PIK3R5: variants seen among roughly 807,000 people sequenced by gnomAD.
PIK3R5 encodes the protein phosphoinositide 3-kinase regulatory subunit 5.
In PIK3R5, 32 loss-of-function variants were observed where a neutral mutation model predicts 94.9. The observed-to-expected ratio is 0.34, with a 90% CI of 0.25 to 0.45. The LOEUF (loss-of-function observed/expected upper bound fraction) is 0.45. PIK3R5 is among the 20% of genes least tolerant of loss of function. The pLI is 1.00. For missense variants in PIK3R5, 853 were observed against 1,144.6 expected (o/e 0.75, Z 3.68); for synonymous variants, 443 against 479.4 (o/e 0.92, Z 0.99).
chr17:8,959,143 GCAGT>G (rs1384277249), intron 1 of PIK3R5, among the ~76,000 whole-genome samples: 1 of 152,178 alleles, frequency 6.6e-6, no homozygotes, highest in Admixed American at 6.5e-5. Flanking sequence ...GGCCCAGTGT[GCAGT>G]CATGAGATGG....
At chr17:8,891,479 A>G (rs1249604286) in intron 6 of PIK3R5, among the ~76,000 whole-genome samples, 2 of 152,168 alleles carry the variant, frequency 1.3e-5, no homozygotes, top group Non-Finnish European at 2.9e-5. Flanking sequence ...GCCATGATAC[A>G]GGCTTTCACT....
intron 1 of PIK3R5, among the ~76,000 whole-genome samples, chr17:8,938,896 A>G (rs567449793): frequency 1.5e-4 from 23 of 152,364 alleles, no homozygotes; most frequent in Middle Eastern, 3.4e-3. Context: ...GATGAGAGAC[A>G]GTATCCAGGT....
intron 1 of PIK3R5, among the ~76,000 whole-genome samples, chr17:8,963,112 G>C (rs1444571292): frequency 6.6e-6 from 1 of 151,780 alleles, no homozygotes; most frequent in African/African-American, 2.4e-5. Context: ...CAAAGTGCTG[G>C]GATTATAGGC....
rs1053508443 is a variant in PIK3R5, at chr17:8,911,060, G to A, written c.103+332C>T. ...CAAACAAACAGGAGAATTCTGGGGAGAGCTGCCTGTGAATTCCCAGCTGCT... is the reference window on the plus strand; with the variant it reads ...CAAACAAACAGGAGAATTCTGGGGAAAGCTGCCTGTGAATTCCCAGCTGCT... On this transcript the variant is annotated intron_variant, in intron 2 of 18. Transcript: ENST00000447110. This position sits in a 1 kb window ranked among gnomAD's most constrained non-coding sequence, Gnocchi z 5.3. 2.6e-5 allele frequency among the ~76,000 whole-genome samples: 4 copies of A among 152,190 alleles called. No individual in the cohort carries two copies. The South Asian group carries it at 8.3e-4, about 31-fold the overall frequency.
rs749408363 is a variant in PIK3R5 at position 8,886,488 on chromosome 17, A to G, written c.2023T>C (p.Tyr675His). The G allele has an allele frequency of 3.1e-6, 5 of 1,605,996 alleles. No individual in the cohort carries two copies. The highest frequency in any genetic ancestry group is 4.3e-6 in the Non-Finnish European group (5 of 1,175,804). The change falls in exon 13 of 19, where the codon TAT (tyrosine) becomes CAT (histidine). Residue 675 changes from tyrosine (Y) to histidine (H), a missense_variant. Tyr to His is a moderately conservative substitution (Grantham distance 83). Around this residue, in one of 6 missense-constraint regions of PIK3R5, gnomAD observed 173 missense variants for 274.1 expected, o/e 0.63. Transcript: ENST00000447110. The stretch of plus-strand genomic sequence containing the variant: ...CAGGGAGGCCTTACCTCGGTCTGAT[A>G]GACTTGCAGCAGCACCGGTCTGGCG... ...FAARPVLLQV[Y>H]QTELTFITGE...
At chr17:8,894,972 T>C (rs1234961856) in intron 5 of PIK3R5, among the ~76,000 whole-genome samples, 1 of 152,220 alleles carries the variant, frequency 6.6e-6, no homozygotes, top group Non-Finnish European at 1.5e-5. Context: ...CATAATGCTC[T>C]TCTAACTTGG....
intron 1 of PIK3R5, among the ~76,000 whole-genome samples, chr17:8,923,918 TTTTCA>T (rs1356013561): frequency 2.2e-5 from 2 of 91,058 alleles, no homozygotes; most frequent in Non-Finnish European, 4.1e-5. Flanking sequence ...TTCCCTTCCC[TTTTCA>T]AGACAGGGTC....
chr17:8,943,457 T>G (rs1265014996), intron 1 of PIK3R5, among the ~76,000 whole-genome samples: 1 of 152,070 alleles, frequency 6.6e-6, no homozygotes, highest in Non-Finnish European at 1.5e-5. Flanking sequence ...ATCTAATACT[T>G]GAGCACACAT....
chr17:8,933,770 G>C (rs961263619), intron 1 of PIK3R5, among the ~76,000 whole-genome samples: 9 of 152,046 alleles, frequency 5.9e-5, no homozygotes, highest in African/African-American at 1.9e-4. Flanking sequence ...GCTGTACTTG[G>C]AAAGTTGTTG....
intron 15 of PIK3R5, among the ~76,000 whole-genome samples, chr17:8,883,396 C>G (rs1256919029): frequency 2.6e-5 from 4 of 152,192 alleles, no homozygotes; most frequent in Non-Finnish European, 5.9e-5. Flanking sequence ...CCACAAAACT[C>G]CTTTCATTGC....
intron 5 of PIK3R5, among the ~76,000 whole-genome samples, chr17:8,900,978 C>T (rs1476823516): frequency 6.6e-6 from 1 of 152,166 alleles, no homozygotes; most frequent in Non-Finnish European, 1.5e-5. Context: ...TTGGTGGAAA[C>T]CCAACGCCCT....
chr17:8,900,856 G>A (rs1378968107), intron 5 of PIK3R5, among the ~76,000 whole-genome samples: 4 of 152,082 alleles, frequency 2.6e-5, no homozygotes, highest in East Asian at 1.9e-4. Context: ...GAGCTGAGGA[G>A]GGACAGCCGG....
chr17:8,912,039 T>C (rs1281300246), intron 1 of PIK3R5: 2 of 152,450 alleles, frequency 1.3e-5, no homozygotes, highest in African/African-American at 4.8e-5. Flanking sequence ...TCTGTTTCCT[T>C]TCTGCCCTAA....
intron 1 of PIK3R5, among the ~76,000 whole-genome samples, chr17:8,951,877 G>A (rs570994886): frequency 6.6e-6 from 1 of 152,244 alleles, no homozygotes; most frequent in East Asian, 1.9e-4. Flanking sequence ...TTTAGATCAC[G>A]TTTCCCAGAC....
chr17:8,888,480 A>G lies in PIK3R5; in HGVS notation c.1307T>C (p.Leu436Pro), dbSNP rs2089939152. The change falls in exon 10 of 19, where the codon CTG becomes CCG. Residue 436 changes from leucine (L) to proline (P), a missense_variant. Around this residue, in one of 6 missense-constraint regions of PIK3R5, gnomAD observed 319 missense variants for 339.8 expected, o/e 0.94. Transcript: ENST00000447110. The surrounding 1 kb of genome is among the most constrained non-coding windows in gnomAD (Gnocchi z 7.8). ...CTCCAGGCTCCGAGAGTCCCTCCGC[A>G]GTACCAGCTGGCTGGTGCTCTTGAA... ...KLFKSTSQLVLRRDSRSLEGS... is the reference protein window; with the variant it reads ...KLFKSTSQLVPRRDSRSLEGS... 1 of 1,605,884 alleles carries G rather than the reference A, an allele frequency of 6.2e-7. No individual in the cohort carries two copies. Among genetic ancestry groups the G allele is most frequent in the African/African-American group, 1.3e-5 (1 of 75,000 alleles).
intron 1 of PIK3R5, among the ~76,000 whole-genome samples, chr17:8,960,286 A>G (rs1369294755): frequency 1.3e-5 from 2 of 152,222 alleles, no homozygotes; most frequent in African/African-American, 4.8e-5. Context: ...CTTTTACTTT[A>G]TATCTTTCAA....
intron 3 of PIK3R5, among the ~76,000 whole-genome samples, chr17:8,906,302 T>C (rs901549602): frequency 6.6e-6 from 1 of 152,192 alleles, no homozygotes; most frequent in Non-Finnish European, 1.5e-5. Flanking sequence ...TGTGTGTATA[T>C]TTTTACTCCT....
chr17:8,914,025 T>C (rs1291900724), intron 1 of PIK3R5, among the ~76,000 whole-genome samples: 1 of 152,158 alleles, frequency 6.6e-6, no homozygotes, highest in Non-Finnish European at 1.5e-5. Flanking sequence ...CACAAGACCC[T>C]CTGGAGGTGG....
At chr17:8,957,297 G>C (rs1177695794) in intron 1 of PIK3R5, among the ~76,000 whole-genome samples, 1 of 152,122 alleles carries the variant, frequency 6.6e-6, no homozygotes, top group Admixed American at 6.5e-5. Context: ...CTGTTGACCT[G>C]CTCTGAATTT....
Sources: allele counts gnomAD v4.1 joint callset (sites outside exome capture counted in the v4.1 genomes callset), GRCh38; gene constraint gnomAD v4.1.1; regional missense constraint gnomAD v4.1.1; non-coding constraint Gnocchi (gnomAD v3.1); transcripts MANE v1.5; gene names NCBI Gene and HGNC (gene_info 2026-07-23, HGNC 2026-07-21).